SOCS5: variants seen among roughly 807,000 people sequenced by gnomAD.
SOCS5 encodes CIS-6.
SOCS5 carries 32 observed loss-of-function variants against 42.8 expected under a neutral mutation model. The ratio of observed to expected loss-of-function variants is 0.75; its 90% CI spans 0.56 to 1.01. The LOEUF is 1.01. Among genes scored for constraint, SOCS5 ranks in the 50% least tolerant of loss-of-function variants. SOCS5 has a pLI of 0.00. For synonymous variants in SOCS5, 283 were observed against 229.6 expected (o/e 1.23, Z -2.10); for missense variants, 627 against 653.0 (o/e 0.96, Z 0.43).
chr2:46,741,382 G>T (rs1673371984), intron 1 of SOCS5, among the ~76,000 whole-genome samples: 1 of 152,128 alleles, frequency 6.6e-6, no homozygotes, highest in African/African-American at 2.4e-5. Context: ...GGGATTACAA[G>T]CGTGCGCCAC....
intron 1 of SOCS5, among the ~76,000 whole-genome samples, chr2:46,728,616 C>A (rs781281924): frequency 6.6e-6 from 1 of 152,126 alleles, no homozygotes; most frequent in Non-Finnish European, 1.5e-5. Context: ...GAGTGCAATG[C>A]TGCTATCTCA....
rs1368685624 is a variant in SOCS5, at chr2:46,759,984, AGTATATCT to A, written c.1457_1464del (p.Tyr486SerfsTer11). ...AATAGGACTTTCCCTTTTAGCCTGC[AGTATATCT>A]GTCGCGCGGTAATCTGCAGGTGCAC... On this transcript the variant is annotated frameshift_variant, in exon 2 of 2. Transcript: ENST00000394861. LOFTEE classifies it high-confidence loss of function. 1 of 1,614,186 alleles carries A rather than the reference AGTATATCT, an allele frequency of 6.2e-7. No individual in the cohort carries two copies. Among genetic ancestry groups the A allele is most frequent in the East Asian group, 2.2e-5 (1 of 44,886 alleles).
rs1412279667 is a variant in SOCS5 at position 46,762,926 on chromosome 2, AT to A, written c.*2788del. The A allele has an allele frequency of 6.6e-5, 11 of 167,006 alleles. No individual in the cohort carries two copies. The allele number at this position is 167,006 out of a possible 1,614,324, so 10.3% of individuals were successfully genotyped here. A position where few individuals can be genotyped will look rare whatever the true frequency, so the allele number is the denominator to read the frequency against. ...GCATACATATAAGTGTGTATTATAT[AT>A]TTATGTATGCACATATATACATTTA... On this transcript the variant is annotated 3_prime_UTR_variant, in exon 2 of 2. Transcript: ENST00000394861.
At chr2:46,751,456 T>G (rs866520216) in intron 1 of SOCS5, among the ~76,000 whole-genome samples, 2 of 150,892 alleles carry the variant, frequency 1.3e-5, no homozygotes, top group African/African-American at 2.4e-5. Context: ...CATGCAAGTG[T>G]TTTTTTTTAT....
At chr2:46,741,245 CTTTT>C (rs1382934637) in intron 1 of SOCS5, among the ~76,000 whole-genome samples, 7 of 152,016 alleles carry the variant, frequency 4.6e-5, no homozygotes, top group Non-Finnish European at 1.0e-4. Context: ...CTTCCTTTTT[CTTTT>C]ATTTATTTGA....
intron 1 of SOCS5, among the ~76,000 whole-genome samples, chr2:46,747,549 G>A (rs1473058269): frequency 2.0e-5 from 3 of 151,982 alleles, no homozygotes; most frequent in African/African-American, 7.3e-5. Context: ...ATCTCCATGT[G>A]TTCCCTTTTT....
At position 46,758,827 on chromosome 2, in the gene SOCS5, T is replaced by G. The variant is rs755962679; in HGVS notation, c.297T>G (p.Asp99Glu). 7 of 1,614,062 alleles carry G rather than the reference T, an allele frequency of 4.3e-6. No homozygotes were observed. The highest frequency in any genetic ancestry group is 4.0e-5 in the African/African-American group (3 of 74,938). ...AAATAAGCATCGAAAAGGATAATGATTCTTGTGTTACCCCAGGAACAAGAC... is the reference window on the plus strand; with the variant it reads ...AAATAAGCATCGAAAAGGATAATGAGTCTTGTGTTACCCCAGGAACAAGAC... The part of the protein sequence containing the change: ...IVEISIEKDN[D>E]SCVTPGTRLA... The change falls in exon 2 of 2, where the codon GAT (aspartate) becomes GAG (glutamate). Residue 99 changes from aspartate (D) to glutamate (E), a missense_variant. Physicochemically the swap from Asp to Glu is conservative, Grantham distance 45. Coordinates refer to ENST00000394861, the MANE Select transcript of SOCS5 (RefSeq NM_144949.3).
At chr2:46,743,526 G>A (rs1673424495) in intron 1 of SOCS5, among the ~76,000 whole-genome samples, 2 of 152,094 alleles carry the variant, frequency 1.3e-5, no homozygotes, top group African/African-American at 4.8e-5. Flanking sequence ...GTTTTGGTGG[G>A]TTTTGGTTGG....
At chr2:46,742,782 C>T (rs747625889) in intron 1 of SOCS5, among the ~76,000 whole-genome samples, 2 of 152,098 alleles carry the variant, frequency 1.3e-5, no homozygotes, top group Admixed American at 6.5e-5. Flanking sequence ...CCTTCTGCCT[C>T]AGCCTCCCGA....
intron 1 of SOCS5, among the ~76,000 whole-genome samples, chr2:46,706,427 G>A (rs1672464096): frequency 6.6e-6 from 1 of 152,038 alleles, no homozygotes; most frequent in African/African-American, 2.4e-5. Context: ...TGCTATGGTC[G>A]GCTTTGGTTG....
intron 1 of SOCS5, among the ~76,000 whole-genome samples, chr2:46,723,661 T>A (rs1672932001): frequency 6.6e-6 from 1 of 152,118 alleles, no homozygotes; most frequent in African/African-American, 2.4e-5. Flanking sequence ...TATTACAGAA[T>A]GTTTTAATTA....
chr2:46,746,281 A>G (rs1673493423), intron 1 of SOCS5, among the ~76,000 whole-genome samples: 1 of 152,122 alleles, frequency 6.6e-6, no homozygotes, highest in South Asian at 2.1e-4. Flanking sequence ...TCCCCAGAGT[A>G]AGTACAAAGG....
chr2:46,720,968 C>T (rs1300385893), intron 1 of SOCS5, among the ~76,000 whole-genome samples: 2 of 152,136 alleles, frequency 1.3e-5, no homozygotes, highest in Admixed American at 6.6e-5. Context: ...TGAGTGAGTC[C>T]GTTCTGCTCC....
chr2:46,747,267 C>G (rs1404870992), intron 1 of SOCS5, among the ~76,000 whole-genome samples: 1 of 152,096 alleles, frequency 6.6e-6, no homozygotes, highest in Non-Finnish European at 1.5e-5. Flanking sequence ...GTTGGTCAGG[C>G]TGGAGTGTGA....
chr2:46,707,037 G>C (rs892249952), intron 1 of SOCS5, among the ~76,000 whole-genome samples: 1 of 152,234 alleles, frequency 6.6e-6, no homozygotes, highest in African/African-American at 2.4e-5. Context: ...GAATACTGAT[G>C]TTCCTTTGAA....
chr2:46,728,496 G>A (rs1349804998), intron 1 of SOCS5, among the ~76,000 whole-genome samples: 5 of 152,172 alleles, frequency 3.3e-5, no homozygotes, highest in Non-Finnish European at 5.9e-5. Flanking sequence ...TTTTAGGCAT[G>A]AGGAAATTTA....
Sources: allele counts gnomAD v4.1 joint callset (sites outside exome capture counted in the v4.1 genomes callset), GRCh38; gene constraint gnomAD v4.1.1; transcripts MANE v1.5; gene names NCBI Gene and HGNC (gene_info 2026-07-23, HGNC 2026-07-21).